The following CDYL2 variants were observed in gnomAD, a reference collection of about 807,000 sequenced individuals.
CDYL2 encodes the protein chromodomain Y like 2.
Under a neutral mutation model 49.4 loss-of-function variants are expected in CDYL2, and 23 were observed. The observed-to-expected ratio is 0.47, with a 90% CI of 0.34 to 0.66. The LOEUF (loss-of-function observed/expected upper bound fraction) is 0.66, where lower values mean the gene tolerates loss of function less well. Among genes scored for constraint, CDYL2 ranks in the 30% least tolerant of loss-of-function variants. The probability of loss-of-function intolerance (pLI) is 0.01; values close to 1 mark genes in which losing one functional copy is unlikely to be tolerated. For missense variants in CDYL2, 678 were observed against 656.4 expected (o/e 1.03, Z -0.36); for synonymous variants, 360 against 268.8 (o/e 1.34, Z -3.32).
intron 1 of CDYL2, among the ~76,000 whole-genome samples, chr16:80,779,869 A>T (rs1236715600): frequency 2.0e-5 from 3 of 152,160 alleles, no homozygotes; most frequent in African/African-American, 7.2e-5. Context: ...TTATGAGTAA[A>T]ATGTGTTTTC....
intron 1 of CDYL2, among the ~76,000 whole-genome samples, chr16:80,749,930 T>C (rs1412473615): frequency 2.0e-5 from 3 of 152,240 alleles, no homozygotes; most frequent in South Asian, 2.1e-4. Flanking sequence ...TTCATGTCCT[T>C]TGTAGGGACA....
At chr16:80,677,236 G>A (rs1327247627) in intron 2 of CDYL2, among the ~76,000 whole-genome samples, 1 of 152,042 alleles carries the variant, frequency 6.6e-6, no homozygotes, top group East Asian at 1.9e-4. Context: ...CTCCCAAAGT[G>A]CTGGGATTAC....
chr16:80,670,821 C>T (rs770987823), intron 2 of CDYL2: 2 of 442,756 alleles, frequency 4.5e-6, no homozygotes, highest in Non-Finnish European at 9.2e-6. Context: ...GAACACCACA[C>T]CACAGTCGGG....
At chr16:80,674,219 G>A (rs559246656) in intron 2 of CDYL2, among the ~76,000 whole-genome samples, 2 of 152,256 alleles carry the variant, frequency 1.3e-5, no homozygotes, top group East Asian at 1.9e-4. Context: ...TTCCATTCCA[G>A]CTCCACCTTC....
intron 1 of CDYL2, among the ~76,000 whole-genome samples, chr16:80,778,789 A>G (rs1307652919): frequency 1.3e-5 from 2 of 152,220 alleles, no homozygotes; most frequent in Non-Finnish European, 2.9e-5. Context: ...ACAATAATGG[A>G]AATTGTAGAA....
chr16:80,634,226 G>C (rs1157830006), intron 2 of CDYL2, among the ~76,000 whole-genome samples: 3 of 152,124 alleles, frequency 2.0e-5, no homozygotes, highest in Non-Finnish European at 4.4e-5. Flanking sequence ...ATTCACAATA[G>C]CTCACACTTG....
At chr16:80,683,337 A>G (rs1037526559) in intron 2 of CDYL2, among the ~76,000 whole-genome samples, 3 of 152,236 alleles carry the variant, frequency 2.0e-5, no homozygotes, top group Non-Finnish European at 2.9e-5. Flanking sequence ...GAAGTGAGGG[A>G]CTGCACATAA....
intron 2 of CDYL2, among the ~76,000 whole-genome samples, chr16:80,677,085 C>A (rs1177622954): frequency 1.3e-5 from 2 of 151,244 alleles, no homozygotes. Context: ...ATCCTCCCAC[C>A]TCAGCTCCCT....
rs1191517336 is a variant in CDYL2 at position 80,603,498 on chromosome 16, C to T, written c.*890G>A. 2 of 152,216 alleles carry T rather than the reference C, an allele frequency of 1.3e-5. No homozygotes were observed. Among genetic ancestry groups the T allele is most frequent in the Non-Finnish European group, 2.9e-5 (2 of 68,026 alleles). 9.4% of individuals were successfully genotyped at this position (152,216 alleles called of 1,614,324 possible). A position where few individuals can be genotyped will look rare whatever the true frequency, so the allele number is the denominator to read the frequency against. ...TTTACACAGAGGTGCAGCGCTATTC[C>T]TTTTGTCCACAGAAATCCTTCTGTT... On this transcript the variant is annotated 3_prime_UTR_variant, in exon 7 of 7. Coordinates refer to ENST00000570137, the MANE Select transcript of CDYL2 (RefSeq NM_152342.4).
chr16:80,769,564 T>A (rs983554749), intron 1 of CDYL2, among the ~76,000 whole-genome samples: 19 of 152,124 alleles, frequency 1.2e-4, no homozygotes, highest in African/African-American at 2.2e-4. Context: ...ACCATGAACA[T>A]AGGGAGGAAC....
At chr16:80,673,545 G>A (rs11150301) in intron 2 of CDYL2, among the ~76,000 whole-genome samples, 74,312 of 151,972 alleles carry the variant, frequency 0.49, 20,370 homozygotes, top group Middle Eastern at 0.69. Flanking sequence ...GCACAGATGT[G>A]CAAGTGCACT....
intron 1 of CDYL2, among the ~76,000 whole-genome samples, chr16:80,709,945 T>A (rs959225383): frequency 1.4e-5 from 2 of 147,580 alleles, no homozygotes; most frequent in African/African-American, 2.6e-5. Context: ...TTTTTTTTTT[T>A]AACATGGAGT....
intron 2 of CDYL2, among the ~76,000 whole-genome samples, chr16:80,657,095 C>T (rs1908845965): frequency 6.6e-6 from 1 of 152,122 alleles, no homozygotes; most frequent in South Asian, 2.1e-4. Context: ...GCCTGCACAC[C>T]AAAATACCAA....
At chr16:80,746,870 C>T (rs1266475604) in intron 1 of CDYL2, among the ~76,000 whole-genome samples, 3 of 152,176 alleles carry the variant, frequency 2.0e-5, no homozygotes, top group Non-Finnish European at 4.4e-5. Flanking sequence ...TTGCAGACTT[C>T]ACTTAAAGTC....
intron 6 of CDYL2, among the ~76,000 whole-genome samples, chr16:80,607,832 G>A (rs80260122): frequency 0.027 from 4,059 of 152,312 alleles, 188 homozygotes; most frequent in African/African-American, 0.092. Flanking sequence ...TTTGAAAGCA[G>A]TGACGCTACC....
chr16:80,791,513 G>C (rs1907606909), intron 1 of CDYL2, among the ~76,000 whole-genome samples: 1 of 152,144 alleles, frequency 6.6e-6, no homozygotes, highest in Non-Finnish European at 1.5e-5. Context: ...GAGAAGAAAA[G>C]GGTTCCACAG....
rs1333049915 is a variant in CDYL2, at chr16:80,685,016, C to T, written c.138G>A (p.Leu46=). 6.2e-6 allele frequency: 10 copies of T among 1,614,202 alleles called. No individual in the cohort carries two copies. The highest frequency in any genetic ancestry group is 8.5e-6 in the Non-Finnish European group (10 of 1,180,038). The change falls in exon 2 of 7, where the codon TTG becomes TTA. Residue 46 remains leucine, a synonymous_variant. Transcript: ENST00000570137. The stretch of plus-strand genomic sequence containing the variant: ...ATTCATCAATAAACTCCTCACAGTG[C>T]AAGAGGTGGTGCTCCGGCTCCCACG... The part of the protein sequence containing the change: ...EDTWEPEHHL[L]HCEEFIDEFN...
At chr16:80,718,897 A>G (rs771838435) in intron 1 of CDYL2, among the ~76,000 whole-genome samples, 13 of 152,186 alleles carry the variant, frequency 8.5e-5, no homozygotes, top group Non-Finnish European at 1.5e-4. Flanking sequence ...GGAGGGAAGG[A>G]CTTAGAGCCA....
chr16:80,781,930 A>G (rs1008312976), intron 1 of CDYL2, among the ~76,000 whole-genome samples: 6 of 151,962 alleles, frequency 3.9e-5, no homozygotes, highest in Non-Finnish European at 8.8e-5. Flanking sequence ...ACAGGTGTAA[A>G]CACCTACATT....
Sources: allele counts gnomAD v4.1 joint callset (sites outside exome capture counted in the v4.1 genomes callset), GRCh38; gene constraint gnomAD v4.1.1; transcripts MANE v1.5; gene names NCBI Gene and HGNC (gene_info 2026-07-23, HGNC 2026-07-21).